ARF4: variants seen among roughly 807,000 people sequenced by gnomAD.
ARF4 encodes the protein ADP-ribosylation factor 4.
ARF4 carries 5 observed loss-of-function variants against 24.3 expected under a neutral mutation model. That is an observed-to-expected ratio of 0.21 (90% CI 0.11 to 0.43). The LOEUF (loss-of-function observed/expected upper bound fraction) is 0.43, where lower values mean the gene tolerates loss of function less well. Among genes scored for constraint, ARF4 ranks in the 20% least tolerant of loss-of-function variants. The pLI is 1.00. For missense variants in ARF4, 107 were observed against 213.0 expected (o/e 0.50, Z 3.10); for synonymous variants, 62 against 73.5 (o/e 0.84, Z 0.80).
intron 1 of ARF4, 130 bp downstream of exon 1, chr3:57,596,940 ATTCC>A: frequency 1.1e-6 from 1 of 910,368 alleles, no homozygotes; most frequent in Non-Finnish European, 1.7e-6. Context: ...CCCCTTAAGA[ATTCC>A]TTCCGACCCC....
In ARF4 at chr3:57,597,060, AG is replaced by A; in HGVS notation, c.67+13del. ...CTTTCCCAGGTCCCGCCTGACTCGC[AG>A]CCCCTCACTCACCCATCAAAATGCG... On this transcript the variant is annotated intron_variant, in intron 1 of 5. Coordinates refer to ENST00000303436, the MANE Select transcript of ARF4 (RefSeq NM_001660.4). The A allele has an allele frequency of 1.2e-6, 2 of 1,613,414 alleles. No individual in the cohort carries two copies. Among genetic ancestry groups the A allele is most frequent in the East Asian group, 4.5e-5 (2 of 44,846 alleles).
intron 1 of ARF4, among the ~76,000 whole-genome samples, chr3:57,586,326 A>T (rs2070036259): frequency 6.6e-6 from 1 of 152,230 alleles, no homozygotes; most frequent in Non-Finnish European, 1.5e-5. Context: ...AGCACATAAA[A>T]GCAATGCTAG....
At chr3:57,572,929 G>A (rs1313597325) in intron 5 of ARF4, among the ~76,000 whole-genome samples, 2 of 151,986 alleles carry the variant, frequency 1.3e-5, no homozygotes, top group African/African-American at 4.8e-5. Flanking sequence ...TAGGCCGGGC[G>A]TGGTGGCTCA....
chr3:57,589,760 T>A (rs897507907), intron 1 of ARF4, among the ~76,000 whole-genome samples: 19 of 150,404 alleles, frequency 1.3e-4, no homozygotes, highest in Non-Finnish European at 2.2e-4. Flanking sequence ...CCTTTGCCCA[T>A]AATTATGGCA....
chr3:57,593,834 G>C (rs1004838622), intron 1 of ARF4, among the ~76,000 whole-genome samples: 1 of 152,072 alleles, frequency 6.6e-6, no homozygotes, highest in African/African-American at 2.4e-5. Flanking sequence ...CCCAAGAACA[G>C]GCAAGATAGT....
At chr3:57,588,594 C>T (rs1559786318) in intron 1 of ARF4, among the ~76,000 whole-genome samples, 1 of 148,824 alleles carries the variant, frequency 6.7e-6, no homozygotes, top group Non-Finnish European at 1.5e-5. Flanking sequence ...TGGCTCACAC[C>T]TGTAATCCCA....
intron 3 of ARF4, among the ~76,000 whole-genome samples, chr3:57,578,698 C>T (rs140554957): frequency 8.5e-5 from 13 of 152,100 alleles, no homozygotes; most frequent in Admixed American, 5.2e-4. Context: ...CATGTGGTCT[C>T]GAACTCCTGG....
In ARF4 at chr3:57,572,127, A is replaced by AAG; in HGVS notation, c.*84_*85insCT. The stretch of plus-strand genomic sequence containing the variant: ...CCCAAACCAGTCCCAGATACTGTTT[A>AAG]ATAACCAAGATACAAACTAATTTTG... On this transcript the variant is annotated 3_prime_UTR_variant, in exon 6 of 6. Coordinates refer to ENST00000303436, the MANE Select transcript of ARF4 (RefSeq NM_001660.4). The AAG allele has an allele frequency of 9.4e-7, 1 of 1,063,226 alleles. No individual in the cohort carries two copies. The highest frequency in any genetic ancestry group is 1.5e-6 in the Non-Finnish European group (1 of 685,268). 65.9% of individuals were successfully genotyped at this position (1,063,226 alleles called of 1,614,324 possible).
intron 3 of ARF4, among the ~76,000 whole-genome samples, chr3:57,582,247 A>ATT (rs1268406533): frequency 6.9e-6 from 1 of 144,500 alleles, no homozygotes; most frequent in Non-Finnish European, 1.5e-5. Context: ...ACATTCTACT[A>ATT]TTTTTTTTTT....
chr3:57,583,073 C>T (rs942870722), intron 3 of ARF4, among the ~76,000 whole-genome samples: 2 of 152,156 alleles, frequency 1.3e-5, no homozygotes, highest in Non-Finnish European at 2.9e-5. Context: ...GAGCCCTCCC[C>T]ATACCCAACA....
intron 3 of ARF4, 104 bp downstream of exon 3, chr3:57,583,794 A>C (rs1209768786): frequency 2.5e-6 from 2 of 801,864 alleles, no homozygotes; most frequent in Admixed American, 5.4e-5. Flanking sequence ...ACAAATGCCA[A>C]CTCATAGTAA....
chr3:57,576,797 A>C (rs930778086), intron 4 of ARF4, among the ~76,000 whole-genome samples: 7 of 152,146 alleles, frequency 4.6e-5, no homozygotes, highest in Non-Finnish European at 1.0e-4. Context: ...TGCCACTGTG[A>C]ACCAAACATT....
intron 1 of ARF4, among the ~76,000 whole-genome samples, chr3:57,595,314 A>G (rs1009247049): frequency 6.6e-6 from 1 of 152,248 alleles, no homozygotes; most frequent in African/African-American, 2.4e-5. Flanking sequence ...ACATAACCAT[A>G]TATTGTTAAA....
intron 3 of ARF4, among the ~76,000 whole-genome samples, chr3:57,583,065 GCCCTCC>G (rs2069995086): frequency 6.6e-6 from 1 of 152,114 alleles, no homozygotes; most frequent in African/African-American, 2.4e-5. Context: ...TGCATAGAGA[GCCCTCC>G]CCATACCCAA....
intron 1 of ARF4, 64 bp downstream of exon 1, chr3:57,597,010 G>T: frequency 6.4e-7 from 1 of 1,566,956 alleles, no homozygotes; most frequent in Admixed American, 1.7e-5. Context: ...AGGCCCAGAG[G>T]CCACCCCAAT....
intron 1 of ARF4, among the ~76,000 whole-genome samples, chr3:57,588,641 G>T (rs1317788816): frequency 6.8e-6 from 1 of 147,204 alleles, no homozygotes; most frequent in African/African-American, 2.5e-5. Context: ...ATCACCTGAA[G>T]TCAGGAGTCA....
At chr3:57,591,253 TGTTCATGAATGTTGAA>T (rs2070112806) in intron 1 of ARF4, among the ~76,000 whole-genome samples, 1 of 148,446 alleles carries the variant, frequency 6.7e-6, no homozygotes. Context: ...CACAAAAACT[TGTTCATGAATGTTGAA>T]GAGCTAGAAA....
At chr3:57,596,956 G>A (rs1024589980) in intron 1 of ARF4, 118 bp downstream of exon 1, 17 of 1,122,408 alleles carry the variant, frequency 1.5e-5, no homozygotes, top group African/African-American at 1.3e-4. Flanking sequence ...TCCGACCCCC[G>A]ACCCGGCGCC....
At chr3:57,595,619 T>G (rs2070171366) in intron 1 of ARF4, among the ~76,000 whole-genome samples, 1 of 152,136 alleles carries the variant, frequency 6.6e-6, no homozygotes, top group Non-Finnish European at 1.5e-5. Context: ...TTACAGAAGC[T>G]TGTGTTTGCA....
Sources: gnomAD v4.1 joint callset for allele counts (sites outside exome capture counted in the v4.1 genomes callset) on GRCh38, gnomAD v4.1.1 for gene constraint, MANE v1.5 for transcripts, NCBI Gene and HGNC (gene_info 2026-07-23, HGNC 2026-07-21) for gene names.